Variants in MRPL1 observed in about 807,000 individuals in gnomAD.
The protein encoded by MRPL1 is large ribosomal subunit protein uL1m.
Under a neutral mutation model 38.0 loss-of-function variants are expected in MRPL1, and 28 were observed. That is an observed-to-expected ratio of 0.74 (90% confidence interval 0.55 to 1.01). The LOEUF is 1.01. MRPL1 is among the 50% of genes least tolerant of loss of function. The probability of loss-of-function intolerance (pLI) is 0.00; values close to 1 mark genes in which losing one functional copy is unlikely to be tolerated. For missense variants in MRPL1, 358 were observed against 389.8 expected (o/e 0.92, Z 0.69); for synonymous variants, 123 against 126.7 (o/e 0.97, Z 0.20).
At chr4:77,902,225 T>G (rs1394683913) in intron 6 of MRPL1, among the ~76,000 whole-genome samples, 2 of 152,130 alleles carry the variant, frequency 1.3e-5, no homozygotes, top group African/African-American at 4.8e-5. Flanking sequence ...AAAGGCTAAA[T>G]TAGCTGGGCA....
At chr4:77,920,192 A>G (rs1736534347) in intron 7 of MRPL1, among the ~76,000 whole-genome samples, 3 of 152,186 alleles carry the variant, frequency 2.0e-5, no homozygotes. Context: ...TTTGTAAAAC[A>G]TGTTTGGTCT....
chr4:77,938,351 A>T (rs142044843), intron 7 of MRPL1, among the ~76,000 whole-genome samples: 3 of 152,202 alleles, frequency 2.0e-5, no homozygotes, highest in Non-Finnish European at 2.9e-5. Context: ...CAGATATACC[A>T]TTTATCTGCT....
At chr4:77,874,687 A>G (rs529759792) in intron 2 of MRPL1, among the ~76,000 whole-genome samples, 1 of 152,196 alleles carries the variant, frequency 6.6e-6, no homozygotes, top group East Asian at 1.9e-4. Flanking sequence ...ACAATTTGAT[A>G]GGTAATAAAT....
chr4:77,942,083 A>G (rs1639964260), intron 7 of MRPL1, among the ~76,000 whole-genome samples: 2 of 152,046 alleles, frequency 1.3e-5, no homozygotes, highest in South Asian at 4.1e-4. Flanking sequence ...CACTATTATC[A>G]TTCAGTTCAA....
At chr4:77,934,812 G>A (rs192645361) in intron 7 of MRPL1, among the ~76,000 whole-genome samples, 147 of 152,290 alleles carry the variant, frequency 9.7e-4, no homozygotes, top group African/African-American at 3.0e-3. Flanking sequence ...TGGATAAAGT[G>A]CAGCACACAC....
chr4:77,872,990 G>A (rs942492736), intron 2 of MRPL1, among the ~76,000 whole-genome samples: 1 of 152,082 alleles, frequency 6.6e-6, no homozygotes, highest in African/African-American at 2.4e-5. Context: ...CTGAGATTGC[G>A]CCACTACACT....
intron 6 of MRPL1, among the ~76,000 whole-genome samples, chr4:77,898,392 TTGAATGAA>T (rs35144776): frequency 0.015 from 2,279 of 150,940 alleles, 54 homozygotes; most frequent in African/African-American, 0.048. Context: ...CTACAAATAT[TTGAATGAA>T]TGAATGAATG....
chr4:77,945,036 ATAAGGTTC>A (rs961937303), intron 7 of MRPL1, among the ~76,000 whole-genome samples: 1 of 151,942 alleles, frequency 6.6e-6, no homozygotes, highest in African/African-American at 2.4e-5. Context: ...CACCTACCTC[ATAAGGTTC>A]TTGGGAGAAA....
At chr4:77,951,547 A>T (rs1489792659) in intron 8 of MRPL1, among the ~76,000 whole-genome samples, 2 of 152,240 alleles carry the variant, frequency 1.3e-5, no homozygotes, top group Admixed American at 1.3e-4. Context: ...TTTTCACTGA[A>T]AATATGACAT....
At chr4:77,932,373 C>T (rs1736867887) in intron 7 of MRPL1, among the ~76,000 whole-genome samples, 1 of 152,166 alleles carries the variant, frequency 6.6e-6, no homozygotes, top group South Asian at 2.1e-4. Context: ...CCACAAAAGG[C>T]TCCTGAATTG....
At chr4:77,876,605 T>C (rs1486859174) in intron 2 of MRPL1, among the ~76,000 whole-genome samples, 1 of 152,216 alleles carries the variant, frequency 6.6e-6, no homozygotes, top group Non-Finnish European at 1.5e-5. Context: ...ATGAGAATCA[T>C]AGTATTCATA....
chr4:77,879,672 C>G (rs1440285114), intron 2 of MRPL1, among the ~76,000 whole-genome samples: 1 of 152,186 alleles, frequency 6.6e-6, no homozygotes, highest in Non-Finnish European at 1.5e-5. Flanking sequence ...CTAAAACAGG[C>G]TCTCCAAAAT....
chr4:77,938,281 C>T (rs888695632), intron 7 of MRPL1, among the ~76,000 whole-genome samples: 15 of 152,222 alleles, frequency 9.9e-5, no homozygotes, highest in African/African-American at 3.6e-4. Flanking sequence ...TTACCATTTA[C>T]AAAGAAAGTA....
intron 7 of MRPL1, among the ~76,000 whole-genome samples, chr4:77,934,278 G>C (rs1265604495): frequency 6.6e-6 from 1 of 152,180 alleles, no homozygotes; most frequent in African/African-American, 2.4e-5. Context: ...CTGAATGGGA[G>C]AAAATATCTG....
chr4:77,918,128 T>G (rs963399388), intron 7 of MRPL1, among the ~76,000 whole-genome samples: 1 of 151,952 alleles, frequency 6.6e-6, no homozygotes, highest in African/African-American at 2.4e-5. Context: ...AATGATTGTT[T>G]GGAGTAGCAA....
At chr4:77,871,344 G>A (rs141154199) in intron 1 of MRPL1, among the ~76,000 whole-genome samples, 21,173 of 149,312 alleles carry the variant, frequency 0.14, 1,716 homozygotes, top group South Asian at 0.2. Flanking sequence ...TCACTCTGTC[G>A]CCCAGGCTGG....
At chr4:77,898,655 T>TA (rs1735971218) in intron 6 of MRPL1, among the ~76,000 whole-genome samples, 1 of 151,830 alleles carries the variant, frequency 6.6e-6, no homozygotes, top group African/African-American at 2.4e-5. Context: ...CATGCCCAGG[T>TA]AATTTTTTTT....
In MRPL1 at chr4:77,952,648, C is replaced by A; in HGVS notation, c.*41C>A. The A allele has an allele frequency of 7.8e-7, 1 of 1,282,444 alleles. No homozygotes were observed. The highest frequency in any genetic ancestry group is 1.1e-6 in the Non-Finnish European group (1 of 889,588). The allele number at this position is 1,282,444 out of a possible 1,614,324, so 79.4% of individuals were successfully genotyped here. On this transcript the variant is annotated 3_prime_UTR_variant, in exon 9 of 9. Coordinates refer to ENST00000315567, the MANE Select transcript of MRPL1 (RefSeq NM_020236.4). The stretch of plus-strand genomic sequence containing the variant: ...AAATTACTTTCAGTGGTTTAAGAAG[C>A]AATGGAGAAAATGATAATACAGCAT...
At chr4:77,873,709 C>T (rs1199967959) in intron 2 of MRPL1, among the ~76,000 whole-genome samples, 2 of 152,144 alleles carry the variant, frequency 1.3e-5, no homozygotes, top group Admixed American at 1.3e-4. Flanking sequence ...CATTCCGTTC[C>T]TCTGTCTTTG....
Sources: allele counts gnomAD v4.1 joint callset (sites outside exome capture counted in the v4.1 genomes callset), GRCh38; gene constraint gnomAD v4.1.1; transcripts MANE v1.5; gene names NCBI Gene and HGNC (gene_info 2026-07-23, HGNC 2026-07-21).